The following JPH3 variants were observed in gnomAD, a reference collection of about 807,000 sequenced individuals.
JPH3 encodes junctophilin-3.
Under a neutral mutation model 59.6 loss-of-function variants are expected in JPH3, and 11 were observed. The observed-to-expected ratio is 0.18, with a 90% CI of 0.12 to 0.31. The LOEUF is 0.31. Ranked by LOEUF, JPH3 falls within the 10% of genes least tolerant of loss-of-function variation. The probability of loss-of-function intolerance (pLI) is 1.00; values close to 1 mark genes in which losing one functional copy is unlikely to be tolerated. For missense variants in JPH3, 1,202 were observed against 1,105.7 expected (o/e 1.09, Z -1.24); for synonymous variants, 673 against 483.6 (o/e 1.39, Z -5.14).
chr16:87,626,180 G>C (rs2031368727), intron 1 of JPH3, among the ~76,000 whole-genome samples: 2 of 152,168 alleles, frequency 1.3e-5, no homozygotes, highest in Non-Finnish European at 2.9e-5. Flanking sequence ...CCATTGCTTT[G>C]TGCTTAGTAA....
chr16:87,649,825 G>A (rs1490372713), intron 2 of JPH3, among the ~76,000 whole-genome samples: 4 of 152,080 alleles, frequency 2.6e-5, no homozygotes, highest in African/African-American at 7.2e-5. Context: ...CTTCTGCTGC[G>A]GGAGAGGGAG....
intron 2 of JPH3, among the ~76,000 whole-genome samples, chr16:87,683,662 A>G (rs2033348675): frequency 6.7e-6 from 1 of 150,100 alleles, no homozygotes. Flanking sequence ...GCTGGAGTGC[A>G]GTGACGCGAT....
chr16:87,678,503 C>T (rs1417602658), intron 2 of JPH3, among the ~76,000 whole-genome samples: 1 of 152,128 alleles, frequency 6.6e-6, no homozygotes, highest in East Asian at 1.9e-4. Context: ...CATGCCACTG[C>T]ACTCCAGTGT....
chr16:87,678,761 G>C (rs1051545204), intron 2 of JPH3, among the ~76,000 whole-genome samples: 1 of 152,210 alleles, frequency 6.6e-6, no homozygotes, highest in Non-Finnish European at 1.5e-5. Context: ...GAGTGCCCTC[G>C]TGAGGCAGAA....
chr16:87,639,802 G>A (rs1027794189), intron 1 of JPH3, among the ~76,000 whole-genome samples: 4 of 152,192 alleles, frequency 2.6e-5, no homozygotes, highest in Non-Finnish European at 4.4e-5. Context: ...ACTGCATGAC[G>A]GCCTCAAGGC....
At chr16:87,658,549 C>T (rs1043512881) in intron 2 of JPH3, among the ~76,000 whole-genome samples, 2 of 152,160 alleles carry the variant, frequency 1.3e-5, no homozygotes, top group African/African-American at 4.8e-5. Context: ...CCTTCTCTCT[C>T]TCTCCCCAAC....
chr16:87,668,032 G>A (rs576171948), intron 2 of JPH3, among the ~76,000 whole-genome samples: 1 of 152,292 alleles, frequency 6.6e-6, no homozygotes, highest in African/African-American at 2.4e-5. Flanking sequence ...TTCTGGCTTC[G>A]TCGATCTGGC....
intron 2 of JPH3, among the ~76,000 whole-genome samples, chr16:87,671,836 G>C (rs1193675768): frequency 6.6e-6 from 1 of 152,246 alleles, no homozygotes; most frequent in Non-Finnish European, 1.5e-5. Context: ...CTTCTTAACT[G>C]AGTAGAGCAG....
At position 87,696,664 on chromosome 16, in the gene JPH3, G is replaced by C. The variant is rs1567622641; in HGVS notation, c.*4G>C. 1.2e-5 allele frequency: 20 copies of C among 1,610,026 alleles called. No individual in the cohort carries two copies. The highest frequency in any genetic ancestry group is 1.5e-5 in the Non-Finnish European group (18 of 1,176,886). On this transcript the variant is annotated 3_prime_UTR_variant, in exon 5 of 5. Coordinates refer to ENST00000284262, the MANE Select transcript of JPH3 (RefSeq NM_020655.4). ...GTTTATTAACTTTTTCATCTGATGA[G>C]ATGTCGCGGTAGCAAAAATAGAGAA...
chr16:87,624,194 C>T (rs996443294), intron 1 of JPH3, among the ~76,000 whole-genome samples: 3 of 152,234 alleles, frequency 2.0e-5, no homozygotes, highest in African/African-American at 7.2e-5. Flanking sequence ...ACAATTCACC[C>T]ATTTAAACTG....
intron 1 of JPH3, among the ~76,000 whole-genome samples, chr16:87,629,598 C>T (rs998785365): frequency 6.0e-5 from 9 of 149,712 alleles, no homozygotes; most frequent in African/African-American, 1.5e-4. Context: ...GAAGAGGCCA[C>T]ATCCCGTGGG....
At chr16:87,677,969 T>G (rs1350603630) in intron 2 of JPH3, among the ~76,000 whole-genome samples, 1 of 152,190 alleles carries the variant, frequency 6.6e-6, no homozygotes, top group Non-Finnish European at 1.5e-5. Context: ...ACCCTGTATG[T>G]AAGGCTGGGT....
rs903893987 is a variant in JPH3, at chr16:87,697,833, C to G, written c.*1173C>G. ...CAGGTTCCTTATGTTTCTGCCTTCT[C>G]CACCAGGGTCGCTCCATCACCCAAA... On this transcript the variant is annotated 3_prime_UTR_variant, in exon 5 of 5. Coordinates refer to ENST00000284262, the MANE Select transcript of JPH3 (RefSeq NM_020655.4). 6.6e-6 allele frequency: 1 copy of G among 151,516 alleles called. No individual in the cohort carries two copies. Among genetic ancestry groups the G allele is most frequent in the African/African-American group, 2.4e-5 (1 of 41,444 alleles). 9.4% of individuals were successfully genotyped at this position (151,516 alleles called of 1,614,324 possible). A position where few individuals can be genotyped will look rare whatever the true frequency, so the allele number is the denominator to read the frequency against.
intron 1 of JPH3, among the ~76,000 whole-genome samples, chr16:87,607,146 C>G (rs1464988552): frequency 6.6e-6 from 1 of 152,212 alleles, no homozygotes; most frequent in African/African-American, 2.4e-5. Flanking sequence ...CAGGTGAATG[C>G]CCATGCACAG....
chr16:87,682,517 C>T (rs2033320874), intron 2 of JPH3, among the ~76,000 whole-genome samples: 1 of 152,086 alleles, frequency 6.6e-6, no homozygotes, highest in Non-Finnish European at 1.5e-5. Flanking sequence ...CAGAGAGCAC[C>T]CTCGCTTCTT....
At chr16:87,683,869 G>A in intron 2 of JPH3, 1 of 400,322 alleles carries the variant, frequency 2.5e-6, no homozygotes, top group Non-Finnish European at 4.5e-6. Flanking sequence ...GCCTCCCAAA[G>A]TGCTGGGATT....
At chr16:87,688,972 C>T (rs138968625) in intron 3 of JPH3, among the ~76,000 whole-genome samples, 11 of 152,258 alleles carry the variant, frequency 7.2e-5, no homozygotes, top group East Asian at 5.8e-4. Context: ...TCCAGGCCTC[C>T]GGGTGGGGGC....
chr16:87,650,476 A>G (rs1054866056), intron 2 of JPH3, among the ~76,000 whole-genome samples: 1 of 152,252 alleles, frequency 6.6e-6, no homozygotes, highest in African/African-American at 2.4e-5. Context: ...ATGTGAAAGA[A>G]GAGTCTCACA....
chr16:87,610,717 T>G (rs2030699830), intron 1 of JPH3, among the ~76,000 whole-genome samples: 1 of 152,204 alleles, frequency 6.6e-6, no homozygotes, highest in African/African-American at 2.4e-5. Flanking sequence ...GTTTTGTGGT[T>G]GGCTTTGTCA....
Sources: allele counts gnomAD v4.1 joint callset (sites outside exome capture counted in the v4.1 genomes callset), GRCh38; gene constraint gnomAD v4.1.1; transcripts MANE v1.5; gene names NCBI Gene and HGNC (gene_info 2026-07-23, HGNC 2026-07-21).